The following TIMM23B variants were observed in gnomAD, a reference collection of about 807,000 sequenced individuals.
TIMM23B encodes the protein translocase of inner mitochondrial membrane 23 homolog B.
In TIMM23B, 27 loss-of-function variants were observed where a neutral mutation model predicts 27.3. The observed-to-expected ratio is 0.99, with a 90% confidence interval of 0.73 to 1.36. The LOEUF is 1.36. TIMM23B is among the 40% of genes most tolerant of loss of function. The pLI, the probability that TIMM23B is intolerant of heterozygous loss-of-function variation, is 0.00. For missense variants in TIMM23B, 205 were observed against 244.2 expected, an observed-to-expected ratio of 0.84 and a Z score of 1.07; for synonymous variants, 73 against 92.4, an observed-to-expected ratio of 0.79 and a Z score of 1.21.
At chr10:49,972,065 G>T (rs1378265976) in intron 6 of TIMM23B, among the ~76,000 whole-genome samples, 1 of 152,094 alleles carries the variant, frequency 6.6e-6, no homozygotes, top group East Asian at 1.9e-4. Flanking sequence ...TAATTGCTTC[G>T]ATGTGAAACA....
intron 5 of TIMM23B, among the ~76,000 whole-genome samples, chr10:49,956,600 G>C (rs1839734375): frequency 6.8e-6 from 1 of 146,430 alleles, no homozygotes; most frequent in Non-Finnish European, 1.5e-5. Context: ...AATTCTTCCA[G>C]GCGTTTCTCT....
chr10:49,957,415 AT>A (rs1230389814), intron 5 of TIMM23B, among the ~76,000 whole-genome samples: 2 of 151,828 alleles, frequency 1.3e-5, no homozygotes, highest in Non-Finnish European at 2.9e-5. Context: ...ATGCCAACTA[AT>A]TTTTTTAAAA....
intron 6 of TIMM23B, among the ~76,000 whole-genome samples, chr10:49,959,397 G>T (rs1241853284): frequency 6.6e-6 from 1 of 152,078 alleles, no homozygotes; most frequent in Non-Finnish European, 1.5e-5. Flanking sequence ...ATCATCTTAC[G>T]CTACTGGGAG....
chr10:49,964,844 T>TGATGCACTC (rs1554855163), intron 6 of TIMM23B, among the ~76,000 whole-genome samples: 1 of 152,160 alleles, frequency 6.6e-6, no homozygotes, highest in Admixed American at 6.5e-5. Flanking sequence ...CTGGCTGTGG[T>TGATGCACTC]GATGCACTCC....
At chr10:49,942,371 T>C in intron 1 of TIMM23B, 71 bp downstream of exon 1, 3 of 1,552,756 alleles carry the variant, frequency 1.9e-6, no homozygotes, top group Non-Finnish European at 1.7e-6. Context: ...GCGCGTCCCA[T>C]GTTTTATGTT....
intron 6 of TIMM23B, among the ~76,000 whole-genome samples, chr10:49,965,151 T>A (rs1554855211): frequency 6.6e-6 from 1 of 150,572 alleles, no homozygotes; most frequent in African/African-American, 2.4e-5. Context: ...ACCCAGGAGG[T>A]AGAGGTTGCG....
At chr10:49,944,928 C>A in intron 1 of TIMM23B, 104 bp from the exon 2 acceptor site, 2 of 1,441,394 alleles carry the variant, frequency 1.4e-6, no homozygotes, top group Non-Finnish European at 9.7e-7. Flanking sequence ...CTTCAGTGAG[C>A]CTATAAAAAT....
At chr10:49,957,945 A>T (rs1336150838) in intron 5 of TIMM23B, among the ~76,000 whole-genome samples, 4 of 152,146 alleles carry the variant, frequency 2.6e-5, no homozygotes, top group Admixed American at 6.5e-5. Flanking sequence ...ATGGGGTACG[A>T]TCTCTTCTGA....
At position 49,942,099 on chromosome 10, in the gene TIMM23B, C is replaced by T; in HGVS notation, c.-96C>T. 1 of 1,406,694 alleles carries T rather than the reference C, an allele frequency of 7.1e-7. No homozygotes were observed. Among genetic ancestry groups the T allele is most frequent in the Non-Finnish European group, 9.5e-7 (1 of 1,048,376 alleles). The allele number at this position is 1,406,694 out of a possible 1,614,324, so 87.1% of individuals were successfully genotyped here. On this transcript the variant is annotated 5_prime_UTR_variant, in exon 1 of 7. Transcript: ENST00000651259. Reference sequence around the variant, plus strand: ...TGTCAGCGTGTGAAGTAGGCGCTGGCAACGCGGGGTTACCCGCTGTTATTG... The same window carrying T: ...TGTCAGCGTGTGAAGTAGGCGCTGGTAACGCGGGGTTACCCGCTGTTATTG...
chr10:49,947,378 C>CGGGTGGATCACCTG (rs1839386387), intron 2 of TIMM23B, among the ~76,000 whole-genome samples: 1 of 152,040 alleles, frequency 6.6e-6, no homozygotes, highest in Non-Finnish European at 1.5e-5. Flanking sequence ...GAGGCTGAGG[C>CGGGTGGATCACCTG]GGGTGGATCA....
intron 6 of TIMM23B, among the ~76,000 whole-genome samples, chr10:49,960,215 T>TTC (rs1312108911): frequency 3.3e-5 from 5 of 151,540 alleles, no homozygotes; most frequent in African/African-American, 1.2e-4. Context: ...AGCTAATTTT[T>TTC]TTTTTTTTTT....
At chr10:49,964,024 G>C (rs571424362) in intron 6 of TIMM23B, among the ~76,000 whole-genome samples, 1 of 152,060 alleles carries the variant, frequency 6.6e-6, no homozygotes, top group South Asian at 2.1e-4. Flanking sequence ...AAATGCGTGT[G>C]GTGCACTCCA....
intron 6 of TIMM23B, among the ~76,000 whole-genome samples, chr10:49,960,946 G>C (rs1186836471): frequency 9.5e-4 from 142 of 150,098 alleles, no homozygotes; most frequent in Middle Eastern, 6.9e-3. Context: ...AAGGTTTTTG[G>C]ACAGAGTATT....
chr10:49,948,309 A>G (rs1839416652), intron 2 of TIMM23B, among the ~76,000 whole-genome samples: 2 of 152,274 alleles, frequency 1.3e-5, no homozygotes, highest in East Asian at 3.9e-4. Flanking sequence ...ACAGTCTGGC[A>G]GTTTCTCAAA....
intron 6 of TIMM23B, among the ~76,000 whole-genome samples, chr10:49,963,795 A>G (rs1268634554): frequency 2.0e-5 from 3 of 152,064 alleles, no homozygotes; most frequent in African/African-American, 4.8e-5. Context: ...ATGAAACCCC[A>G]TCTCTACTAA....
chr10:49,964,202 A>G (rs1840030722), intron 6 of TIMM23B, among the ~76,000 whole-genome samples: 1 of 148,694 alleles, frequency 6.7e-6, no homozygotes, highest in African/African-American at 2.5e-5. Context: ...AATGAAATGA[A>G]ATGAAATGAA....
At chr10:49,967,733 C>T (rs1474768230) in intron 6 of TIMM23B, among the ~76,000 whole-genome samples, 5 of 152,038 alleles carry the variant, frequency 3.3e-5, no homozygotes, top group Non-Finnish European at 4.4e-5. Context: ...AAGTTAGACT[C>T]TCATTTCTTT....
intron 1 of TIMM23B, chr10:49,943,444 G>A (rs1839231980): frequency 6.6e-6 from 1 of 151,808 alleles, no homozygotes; most frequent in South Asian, 2.1e-4. Context: ...GTCCAAGCTG[G>A]TCTCAAACTC....
At chr10:49,969,794 C>T (rs549491956) in intron 6 of TIMM23B, among the ~76,000 whole-genome samples, 8 of 152,008 alleles carry the variant, frequency 5.3e-5, no homozygotes, top group Admixed American at 2.0e-4. Context: ...TCCCTCTCCC[C>T]ACGGTCTCCC....
Sources: gnomAD v4.1 joint callset for allele counts (sites outside exome capture counted in the v4.1 genomes callset) on GRCh38, gnomAD v4.1.1 for gene constraint, MANE v1.5 for transcripts, NCBI Gene and HGNC (gene_info 2026-07-23, HGNC 2026-07-21) for gene names.